CIMAP2: variants seen among roughly 807,000 people sequenced by gnomAD.
CIMAP2 encodes the protein ciliary microtubule-associated protein 2.
chr1:54,824,208 T>G, the CIMAP2 span, among the ~76,000 whole-genome samples: 1 of 152,120 alleles, frequency 6.6e-6, no homozygotes, highest in Non-Finnish European at 1.5e-5. Flanking sequence ...TACTTTTTAT[T>G]TTTTGTAGAG....
At chr1:54,811,116 T>C in the CIMAP2 span, among the ~76,000 whole-genome samples, 1 of 152,202 alleles carries the variant, frequency 6.6e-6, no homozygotes, top group Admixed American at 6.5e-5. Context: ...TCCTATCCCA[T>C]GGTACCAGTA....
At chr1:54,811,765 G>GCCGGGGGGGGGGGCGCCCCCCCCC in the CIMAP2 span, 1 of 1,301,324 alleles carries the variant, frequency 7.7e-7, no homozygotes, top group Non-Finnish European at 1.1e-6. Flanking sequence ...GGTTCTGACA[G>GCCGGGGGGGGGGGCGCCCCCCCCC]CCTCCATGCC....
the CIMAP2 span, chr1:54,813,968 G>A: frequency 1.7e-5 from 27 of 1,601,154 alleles, no homozygotes; most frequent in Admixed American, 7.0e-5. Flanking sequence ...CAGTGCCCCC[G>A]CACACTGGTG....
At chr1:54,815,901 C>T in the CIMAP2 span, among the ~76,000 whole-genome samples, 32 of 151,400 alleles carry the variant, frequency 2.1e-4, no homozygotes, top group Admixed American at 1.9e-3. Flanking sequence ...ACAGGTCAGC[C>T]GCCTCACCTC....
chr1:54,812,772 G>T, the CIMAP2 span, among the ~76,000 whole-genome samples: 1 of 152,346 alleles, frequency 6.6e-6, no homozygotes, highest in African/African-American at 2.4e-5. Context: ...TTCTCGCGGT[G>T]GGTGTGATTA....
the CIMAP2 span, among the ~76,000 whole-genome samples, chr1:54,821,231 A>G: frequency 6.6e-6 from 1 of 152,054 alleles, no homozygotes; most frequent in Non-Finnish European, 1.5e-5. Flanking sequence ...TTTTAGTTTA[A>G]TATAGTCCTA....
At chr1:54,810,518 C>T in the CIMAP2 span, among the ~76,000 whole-genome samples, 436 of 152,274 alleles carry the variant, frequency 2.9e-3, 1 homozygote, top group African/African-American at 0.01. Context: ...TGGGAGCGAA[C>T]AAATCTGATG....
At chr1:54,826,481 G>C in the CIMAP2 span, among the ~76,000 whole-genome samples, 15,506 of 152,262 alleles carry the variant, frequency 0.1, 921 homozygotes, top group Non-Finnish European at 0.13. Flanking sequence ...GATCTGTAGG[G>C]CTCCAGGGCA....
chr1:54,837,280 T>A, the CIMAP2 span, among the ~76,000 whole-genome samples: 1 of 152,078 alleles, frequency 6.6e-6, no homozygotes, highest in Non-Finnish European at 1.5e-5. Context: ...GTCTGCTTGA[T>A]GGCCTTCAGA....
the CIMAP2 span, among the ~76,000 whole-genome samples, chr1:54,833,243 T>C: frequency 1.3e-5 from 2 of 152,114 alleles, no homozygotes; most frequent in Non-Finnish European, 2.9e-5. Context: ...GAATAAATGA[T>C]GGGGTGAAGG....
the CIMAP2 span, among the ~76,000 whole-genome samples, chr1:54,808,428 G>A: frequency 6.6e-6 from 1 of 152,160 alleles, no homozygotes; most frequent in Admixed American, 6.5e-5. Context: ...ATTGGAAGCA[G>A]CAGAGGCTAA....
chr1:54,806,138 G>T, the CIMAP2 span: 9 of 1,545,604 alleles, frequency 5.8e-6, no homozygotes, highest in South Asian at 3.6e-5. Context: ...CCAGGATGCC[G>T]CCGGAGCTCA....
the CIMAP2 span, among the ~76,000 whole-genome samples, chr1:54,811,587 G>T: frequency 6.6e-6 from 1 of 152,152 alleles, no homozygotes; most frequent in East Asian, 1.9e-4. Context: ...TTCAGCTGGG[G>T]AAGAGGCTGA....
At chr1:54,809,772 C>T in the CIMAP2 span, among the ~76,000 whole-genome samples, 1 of 152,042 alleles carries the variant, frequency 6.6e-6, no homozygotes, top group African/African-American at 2.4e-5. Context: ...GCTAGGGGGA[C>T]AAGCCTGACT....
the CIMAP2 span, chr1:54,807,982 G>A: frequency 1.3e-6 from 2 of 1,594,200 alleles, no homozygotes; most frequent in South Asian, 1.1e-5. Context: ...GCTCAGCTCT[G>A]GGGAGGTTCG....
chr1:54,836,268 C>T, the CIMAP2 span, among the ~76,000 whole-genome samples: 1 of 150,338 alleles, frequency 6.7e-6, no homozygotes, highest in Non-Finnish European at 1.5e-5. Context: ...CGCCCTCCCG[C>T]CTGCCTACCT....
the CIMAP2 span, among the ~76,000 whole-genome samples, chr1:54,810,687 G>C: frequency 2.6e-5 from 4 of 152,142 alleles, no homozygotes; most frequent in Non-Finnish European, 5.9e-5. Context: ...AGCAGAAAAC[G>C]TCCTGCCAGG....
At chr1:54,806,387 G>C in the CIMAP2 span, among the ~76,000 whole-genome samples, 2 of 152,192 alleles carry the variant, frequency 1.3e-5, no homozygotes, top group African/African-American at 4.8e-5. Context: ...GAGGGGCTGG[G>C]CTTTCTCTCC....
the CIMAP2 span, chr1:54,807,177 G>C: frequency 1.5e-6 from 2 of 1,338,848 alleles, no homozygotes. Flanking sequence ...GCTGTAGAAG[G>C]GGCGTACTTT....
Sources: allele counts gnomAD v4.1 joint callset (sites outside exome capture counted in the v4.1 genomes callset), GRCh38; gene constraint gnomAD v4.1.1; transcripts MANE v1.5; gene names NCBI Gene and HGNC (gene_info 2026-07-23, HGNC 2026-07-21).